LMBR1: variants seen among roughly 807,000 people sequenced by gnomAD.
LMBR1 encodes the protein limb development membrane protein 1.
A neutral mutation model predicts 73.9 loss-of-function variants in LMBR1; 52 were observed. The ratio of observed to expected loss-of-function variants is 0.70; its 90% confidence interval spans 0.56 to 0.89. The LOEUF (loss-of-function observed/expected upper bound fraction) is 0.89, where lower values mean the gene tolerates loss of function less well. LMBR1 is among the 40% of genes least tolerant of loss of function. The pLI is 0.00. For missense variants in LMBR1, 539 were observed against 579.8 expected (o/e 0.93, Z 0.72); for synonymous variants, 215 against 209.4 (o/e 1.03, Z -0.23).
In LMBR1 at chr7:156,887,463, CAAAAAAAAAA is replaced by C. The variant is rs60786872; in HGVS notation, c.66+5455_66+5464del. Among the ~76,000 whole-genome samples the C allele has an allele frequency of 7.6e-5, 4 of 52,668 alleles. No individual in the cohort carries two copies. In the Admixed American group the frequency reaches 7.8e-4, roughly 10 times the overall value. The allele number at this position is 52,668 out of a possible 152,430, so 34.6% of individuals were successfully genotyped here. ...CTGGCGACAGAGTGAGACTCCATCT[CAAAAAAAAAA>C]AAAAAAAAAAAAGTTAAACACTATA... On this transcript the variant is annotated intron_variant, in intron 1 of 16. Transcript: ENST00000353442.
chr7:156,866,065 CAAAA>C (rs74275049), intron 1 of LMBR1, among the ~76,000 whole-genome samples: 1 of 96,352 alleles, frequency 1.0e-5, no homozygotes, highest in Non-Finnish European at 2.3e-5. Context: ...TCTCAAAAGA[CAAAA>C]AAAAAAAAAA....
intron 5 of LMBR1, among the ~76,000 whole-genome samples, chr7:156,780,900 G>C (rs1257900538): frequency 5.9e-5 from 9 of 152,116 alleles, no homozygotes. Flanking sequence ...ACACCACATG[G>C]AAATGAGGAA....
At chr7:156,767,736 A>G (rs752897085) in intron 5 of LMBR1, among the ~76,000 whole-genome samples, 6 of 152,032 alleles carry the variant, frequency 3.9e-5, no homozygotes, top group Admixed American at 3.3e-4. Flanking sequence ...AAATATAAAC[A>G]TAACAAAATA....
intron 5 of LMBR1, among the ~76,000 whole-genome samples, chr7:156,775,702 T>C (rs977453537): frequency 5.9e-5 from 9 of 152,234 alleles, no homozygotes; most frequent in Admixed American, 6.5e-5. Flanking sequence ...TCTGTTTTTT[T>C]CTGAATTTTT....
chr7:156,747,273 AC>A (rs1281519441), intron 9 of LMBR1, among the ~76,000 whole-genome samples: 2 of 152,116 alleles, frequency 1.3e-5, no homozygotes, highest in Admixed American at 1.3e-4. Context: ...ATCCTGCCCC[AC>A]CCGTCTCTTT....
intron 2 of LMBR1, among the ~76,000 whole-genome samples, chr7:156,834,092 G>A (rs927773186): frequency 1.3e-5 from 2 of 152,008 alleles, no homozygotes; most frequent in African/African-American, 4.8e-5. Flanking sequence ...CCACTACAAA[G>A]TAAATTATTA....
At chr7:156,771,063 G>T (rs772282420) in intron 5 of LMBR1, among the ~76,000 whole-genome samples, 1 of 151,426 alleles carries the variant, frequency 6.6e-6, no homozygotes, top group African/African-American at 2.4e-5. Flanking sequence ...AAATAAAGTA[G>T]CAAAAACACA....
intron 15 of LMBR1, among the ~76,000 whole-genome samples, chr7:156,697,332 G>T (rs929130307): frequency 3.3e-5 from 5 of 152,088 alleles, no homozygotes; most frequent in African/African-American, 1.2e-4. Flanking sequence ...TCTGTTCAGC[G>T]GTGCACATAT....
At chr7:156,838,518 G>T (rs1446127856) in intron 1 of LMBR1, among the ~76,000 whole-genome samples, 1 of 152,090 alleles carries the variant, frequency 6.6e-6, no homozygotes, top group Non-Finnish European at 1.5e-5. Flanking sequence ...TGTCTTCCAG[G>T]TTCATCCATC....
At chr7:156,676,729 C>G, downstream of LMBR1, 1 of 1,067,132 alleles carries the variant, frequency 9.4e-7, no homozygotes, top group Non-Finnish European at 1.4e-6. Flanking sequence ...TGCATGAGTT[C>G]TGGGTTAAGT....
Position 156,893,048 on chromosome 7 carries a change from C to A in LMBR1, c.-55G>T. 1 of 1,405,152 alleles carries A rather than the reference C, an allele frequency of 7.1e-7. No homozygotes were observed. Among genetic ancestry groups the A allele is most frequent in the South Asian group, 1.5e-5 (1 of 64,694 alleles). The allele number at this position is 1,405,152 out of a possible 1,614,324, so 87.0% of individuals were successfully genotyped here. A position where few individuals can be genotyped will look rare whatever the true frequency, so the allele number is the denominator to read the frequency against. On this transcript the variant is annotated 5_prime_UTR_variant, in exon 1 of 17. Transcript: ENST00000353442. ...GCGTCCGCGTGCTCCGCCACACCAT[C>A]GTCCGCCCGCCGCAGGGGCTCGGAC... is the stretch of plus-strand genomic sequence containing the variant.
intron 15 of LMBR1, among the ~76,000 whole-genome samples, chr7:156,714,596 T>A (rs1296813454): frequency 6.6e-6 from 1 of 152,158 alleles, no homozygotes; most frequent in Non-Finnish European, 1.5e-5. Flanking sequence ...ATGGCAAACG[T>A]CTTTGCAGCA....
intron 9 of LMBR1, among the ~76,000 whole-genome samples, chr7:156,739,547 C>A (rs975701610): frequency 2.6e-5 from 4 of 152,158 alleles, no homozygotes; most frequent in African/African-American, 9.7e-5. Flanking sequence ...TGTTGGTGGC[C>A]ACAGGAGTGC....
intron 15 of LMBR1, among the ~76,000 whole-genome samples, chr7:156,716,837 G>A (rs928585529): frequency 1.3e-5 from 2 of 152,170 alleles, no homozygotes; most frequent in Non-Finnish European, 2.9e-5. Context: ...GTAGATGTGA[G>A]GCCAGGTGCG....
chr7:156,791,450 A>G (rs1829213009), intron 5 of LMBR1, among the ~76,000 whole-genome samples: 2 of 152,222 alleles, frequency 1.3e-5, no homozygotes, highest in Non-Finnish European at 2.9e-5. Context: ...CTGGGGGGAA[A>G]AAGTCATCTG....
chr7:156,790,504 G>A (rs1829018579), intron 5 of LMBR1, among the ~76,000 whole-genome samples: 1 of 151,938 alleles, frequency 6.6e-6, no homozygotes, highest in Non-Finnish European at 1.5e-5. Flanking sequence ...CAAATAAAGA[G>A]ACAATCTAGC....
At chr7:156,863,005 A>G (rs1797943914) in intron 1 of LMBR1, among the ~76,000 whole-genome samples, 1 of 152,204 alleles carries the variant, frequency 6.6e-6, no homozygotes, top group Admixed American at 6.5e-5. Context: ...CACTTATAAT[A>G]AATCTTTCTG....
At chr7:156,774,983 A>G (rs1474791572) in intron 5 of LMBR1, among the ~76,000 whole-genome samples, 1 of 152,202 alleles carries the variant, frequency 6.6e-6, no homozygotes, top group African/African-American at 2.4e-5. Context: ...ATGGACGAAA[A>G]GAAGGGAACA....
intron 4 of LMBR1, chr7:156,823,167 A>G (rs1023545079): frequency 1.3e-5 from 2 of 150,916 alleles, no homozygotes. Flanking sequence ...TATGTATTAG[A>G]TATTTTTCTA....
Sources: allele counts gnomAD v4.1 joint callset (sites outside exome capture counted in the v4.1 genomes callset), GRCh38; gene constraint gnomAD v4.1.1; transcripts MANE v1.5; gene names NCBI Gene and HGNC (gene_info 2026-07-23, HGNC 2026-07-21).